Variants in RAPGEF1 observed in about 807,000 individuals in gnomAD.
RAPGEF1 encodes Rap guanine nucleotide exchange factor 1.
RAPGEF1 carries 33 observed loss-of-function variants against 143.3 expected under a neutral mutation model. The ratio of observed to expected loss-of-function variants is 0.23; its 90% CI spans 0.17 to 0.31. The LOEUF (loss-of-function observed/expected upper bound fraction) is 0.31. RAPGEF1 is among the 10% of genes least tolerant of loss of function. The probability of loss-of-function intolerance (pLI) is 1.00; values close to 1 mark genes in which losing one functional copy is unlikely to be tolerated. For synonymous variants in RAPGEF1, 629 were observed against 676.5 expected (o/e 0.93, Z 1.09); for missense variants, 1,199 against 1,645.4 (o/e 0.73, Z 4.69).
chr9:131,668,275 G>A (rs569868258), intron 1 of RAPGEF1, among the ~76,000 whole-genome samples: 19 of 152,242 alleles, frequency 1.2e-4, no homozygotes, highest in Middle Eastern at 3.4e-3. Context: ...CTTCCCTCCC[G>A]GAGCCCAATC....
At chr9:131,603,051 A>G (rs185980370) in intron 14 of RAPGEF1, among the ~76,000 whole-genome samples, 2 of 152,340 alleles carry the variant, frequency 1.3e-5, no homozygotes, top group African/African-American at 2.4e-5. Context: ...GACAGCTCCC[A>G]TGGACTGGGT....
At chr9:131,681,575 C>T (rs1042979241) in intron 1 of RAPGEF1, among the ~76,000 whole-genome samples, 7 of 152,148 alleles carry the variant, frequency 4.6e-5, no homozygotes, top group Non-Finnish European at 8.8e-5. Flanking sequence ...TGCTCTTACT[C>T]GAGCTTGTCT....
In RAPGEF1 at chr9:131,719,697, C is replaced by T. The variant is rs554364106; in HGVS notation, c.61+20073G>A. Among the ~76,000 whole-genome samples the T allele has an allele frequency of 2.0e-5, 3 of 151,432 alleles. No individual in the cohort carries two copies. In the East Asian group the frequency reaches 5.8e-4, roughly 29 times the overall value. The stretch of plus-strand genomic sequence containing the variant: ...TTTACTCTCGTGGTTGCATTAGATC[C>T]TCACGATAAGAGAAGGATACTGTTA... On this transcript the variant is annotated intron_variant, in intron 1 of 26. Coordinates refer to ENST00000683357, the MANE Select transcript of RAPGEF1 (RefSeq NM_001377935.1).
At chr9:131,712,625 A>C (rs1230754044) in intron 1 of RAPGEF1, among the ~76,000 whole-genome samples, 1 of 152,206 alleles carries the variant, frequency 6.6e-6, no homozygotes, top group Non-Finnish European at 1.5e-5. Context: ...GGTCACAGTT[A>C]CAGAACCTGG....
At chr9:131,642,714 ACCC>A (rs778472445) in intron 4 of RAPGEF1, among the ~76,000 whole-genome samples, 3 of 151,982 alleles carry the variant, frequency 2.0e-5, no homozygotes, top group Non-Finnish European at 4.4e-5. Flanking sequence ...CTGCTGTGTA[ACCC>A]CCAAGGTCTA....
At position 131,579,730 on chromosome 9, in the gene RAPGEF1, C is replaced by T. The variant is rs988356629; in HGVS notation, c.3642-83G>A. 2.8e-5 allele frequency: 40 copies of T among 1,446,218 alleles called. No individual in the cohort carries two copies. In the African/African-American group the frequency reaches 4.1e-4, roughly 15 times the overall value. 89.6% of individuals were successfully genotyped at this position (1,446,218 alleles called of 1,614,324 possible). A position where few individuals can be genotyped will look rare whatever the true frequency, so the allele number is the denominator to read the frequency against. On this transcript the variant is annotated intron_variant, in intron 26 of 26. Transcript: ENST00000683357. ...GGCGCCACCCTCCTGGAAGGTGCCG[C>T]GGGGACCATCCCCACAGCCTCGCAG...
chr9:131,627,041 G>A (rs1040268202), intron 9 of RAPGEF1, among the ~76,000 whole-genome samples: 2 of 151,726 alleles, frequency 1.3e-5, no homozygotes, highest in South Asian at 2.1e-4. Flanking sequence ...GTGAAATCCC[G>A]TCTCTACTAA....
Position 131,626,440 on chromosome 9 carries a change from GAA to G in RAPGEF1, c.1202-20_1202-19del. ...ATAGTGGTCTGCAGTTACAACAGGG[GAA>G]AAAGAGACCCGTTAGCCACAGGCCC... On this transcript the variant is annotated intron_variant, in intron 9 of 26. Transcript: ENST00000683357. The G allele has an allele frequency of 6.5e-7, 1 of 1,544,356 alleles. No individual in the cohort carries two copies. The highest frequency in any genetic ancestry group is 8.7e-7 in the Non-Finnish European group (1 of 1,143,670).
chr9:131,644,801 T>C (rs1191173654), intron 3 of RAPGEF1, among the ~76,000 whole-genome samples: 1 of 151,918 alleles, frequency 6.6e-6, no homozygotes, highest in Non-Finnish European at 1.5e-5. Flanking sequence ...CCGTCTCAAT[T>C]AAAAAAATAA....
chr9:131,612,642 G>T (rs890360668), intron 12 of RAPGEF1, among the ~76,000 whole-genome samples: 1 of 152,178 alleles, frequency 6.6e-6, no homozygotes, highest in Non-Finnish European at 1.5e-5. Context: ...CCCGAGGGTC[G>T]CAGTGACCTG....
chr9:131,670,612 A>T (rs1831220348), intron 1 of RAPGEF1, among the ~76,000 whole-genome samples: 1 of 151,752 alleles, frequency 6.6e-6, no homozygotes, highest in Non-Finnish European at 1.5e-5. Context: ...CACATCAAAG[A>T]CCTCCCGGCT....
chr9:131,628,977 CCA>C lies in RAPGEF1; in HGVS notation c.893+123_893+124del, dbSNP rs1964097284. The C allele has an allele frequency of 1.5e-6, 2 of 1,317,298 alleles. No homozygotes were observed. The highest frequency in any genetic ancestry group is 2.0e-6 in the Non-Finnish European group (2 of 983,090). The allele number at this position is 1,317,298 out of a possible 1,614,324, so 81.6% of individuals were successfully genotyped here. ...GAGGGCCGGCGGGGTGGGGACAGCTCCAGAGTCAGCCTCCCAAGGGGGGCCAA... is the reference window on the plus strand; with the variant it reads ...GAGGGCCGGCGGGGTGGGGACAGCTCGAGTCAGCCTCCCAAGGGGGGCCAA... On this transcript the variant is annotated intron_variant, in intron 7 of 26. Coordinates refer to ENST00000683357, the MANE Select transcript of RAPGEF1 (RefSeq NM_001377935.1). This position sits in a 1 kb window ranked among gnomAD's most constrained non-coding sequence, Gnocchi z 5.7.
intron 1 of RAPGEF1, 63 bp downstream of exon 1, chr9:131,739,707 G>T: frequency 9.7e-7 from 1 of 1,028,144 alleles, no homozygotes; most frequent in Non-Finnish European, 1.2e-6. Flanking sequence ...GCTCGGCCCG[G>T]GGAGCGGCGG....
At chr9:131,654,918 G>A (rs1972050990) in intron 1 of RAPGEF1, among the ~76,000 whole-genome samples, 1 of 152,178 alleles carries the variant, frequency 6.6e-6, no homozygotes, top group Non-Finnish European at 1.5e-5. Context: ...ACAAAACACT[G>A]TCCTACGCAA....
chr9:131,714,705 C>CT (rs10568442), intron 1 of RAPGEF1, among the ~76,000 whole-genome samples: 91 of 114,668 alleles, frequency 7.9e-4, no homozygotes, highest in Admixed American at 1.3e-3. Flanking sequence ...TAGACTCTGC[C>CT]TTTTTTTTTT....
rs1267273675 is a variant in RAPGEF1, at chr9:131,605,172, C to T, written c.2078G>A (p.Arg693Lys). 1 of 1,354,592 alleles carries T rather than the reference C, an allele frequency of 7.4e-7. No individual in the cohort carries two copies. Among genetic ancestry groups the T allele is most frequent in the Admixed American group, 2.0e-5 (1 of 51,058 alleles). The allele number at this position is 1,354,592 out of a possible 1,614,324, so 83.9% of individuals were successfully genotyped here. ...AGGCACGAAATCCTGGGAGTAGGAC[C>T]TAAACACAGACTTATACTACAGAAT... is the stretch of plus-strand genomic sequence containing the variant. ...LPVPSYKSVF[R>K]SYSQDFVPHH... is the part of the protein sequence containing the mutation. The change falls in exon 13 of 27, where the codon AGG becomes AAG. Residue 693 changes from arginine (R) to lysine (K), a missense_variant. Physicochemically the swap from Arg to Lys is conservative, Grantham distance 26. Transcript: ENST00000683357.
intron 1 of RAPGEF1, among the ~76,000 whole-genome samples, chr9:131,727,949 C>A (rs1329996560): frequency 6.6e-6 from 1 of 152,116 alleles, no homozygotes; most frequent in Non-Finnish European, 1.5e-5. Context: ...TGTGGTTATG[C>A]TAATTGAGAG....
intron 1 of RAPGEF1, among the ~76,000 whole-genome samples, chr9:131,720,983 TTA>T (rs1184910259): frequency 6.6e-6 from 1 of 152,194 alleles, no homozygotes; most frequent in Non-Finnish European, 1.5e-5. Flanking sequence ...ATGTACATGT[TTA>T]TGTTTCTTGA....
At chr9:131,626,518 G>C in intron 9 of RAPGEF1, 96 bp from the exon 10 acceptor site, 1 of 1,283,644 alleles carries the variant, frequency 7.8e-7, no homozygotes. Context: ...TCGCTCATGG[G>C]TGTGTGACAA....
Sources: allele counts gnomAD v4.1 joint callset (sites outside exome capture counted in the v4.1 genomes callset), GRCh38; gene constraint gnomAD v4.1.1; non-coding constraint Gnocchi (gnomAD v3.1); transcripts MANE v1.5; gene names NCBI Gene and HGNC (gene_info 2026-07-23, HGNC 2026-07-21).